ADAMTS9: variants seen among roughly 807,000 people sequenced by gnomAD.
ADAMTS9 encodes ADAM metallopeptidase with thrombospondin type 1 motif 9.
ADAMTS9 carries 107 observed loss-of-function variants against 257.1 expected under a neutral mutation model. The observed-to-expected ratio is 0.42, with a 90% CI of 0.36 to 0.49. ADAMTS9 has a LOEUF of 0.49. Among genes scored for constraint, ADAMTS9 ranks in the 20% least tolerant of loss-of-function variants. The pLI is 0.03. For missense variants in ADAMTS9, 2,353 were observed against 2,469.1 expected (o/e 0.95, Z 1.00); for synonymous variants, 982 against 880.9 (o/e 1.11, Z -2.03).
chr3:64,625,856 T>C (rs936098065), intron 16 of ADAMTS9, among the ~76,000 whole-genome samples: 1 of 152,204 alleles, frequency 6.6e-6, no homozygotes, highest in African/African-American at 2.4e-5. Flanking sequence ...CAAATCTTAA[T>C]CTTCACCTAT....
rs1370868783 is a variant in ADAMTS9 at position 64,541,123 on chromosome 3, T to C, written c.5493A>G (p.Arg1831=). The change falls in exon 36 of 40, where the codon AGA becomes AGG. Residue 1831 remains arginine (R), a synonymous_variant. Coordinates refer to ENST00000498707, the MANE Select transcript of ADAMTS9 (RefSeq NM_182920.2). ...AAGFSSFQKI[R]IDLTSMQIIT... is the part of the protein sequence containing the mutation. ...TTATCTGCATGCTGGTCAGGTCTAT[T>C]CTGATTTTCTGAAAACTGGAAAACC... 1 of 1,614,144 alleles carries C rather than the reference T, an allele frequency of 6.2e-7. No homozygotes were observed. Among genetic ancestry groups the C allele is most frequent in the South Asian group, 1.1e-5 (1 of 91,078 alleles).
At chr3:64,589,658 A>G (rs1231554403) in intron 28 of ADAMTS9, 1 of 152,122 alleles carries the variant, frequency 6.6e-6, no homozygotes, top group Non-Finnish European at 1.5e-5. Context: ...TCATACAGGG[A>G]CCCTCCTTAC....
intron 22 of ADAMTS9, among the ~76,000 whole-genome samples, chr3:64,607,862 G>C (rs1426031245): frequency 6.6e-6 from 1 of 152,022 alleles, no homozygotes; most frequent in Non-Finnish European, 1.5e-5. Context: ...AAACGTGCAG[G>C]GATCTTTTTT....
chr3:64,631,759 C>T, intron 15 of ADAMTS9, 49 bp downstream of exon 15: 1 of 1,515,984 alleles, frequency 6.6e-7, no homozygotes. Context: ...TAACAATTTT[C>T]AAACTTTGAC....
At chr3:64,577,609 G>C (rs1158519684) in intron 28 of ADAMTS9, among the ~76,000 whole-genome samples, 1 of 152,178 alleles carries the variant, frequency 6.6e-6, no homozygotes, top group Non-Finnish European at 1.5e-5. Context: ...GTACTCTCAA[G>C]GTGGACTGTG....
chr3:64,673,847 A>G (rs1701556065), intron 3 of ADAMTS9, among the ~76,000 whole-genome samples: 1 of 152,162 alleles, frequency 6.6e-6, no homozygotes, highest in Non-Finnish European at 1.5e-5. Context: ...AAGCAAATGT[A>G]GAAAAATCTT....
At chr3:64,550,100 C>A (rs2083251376) in intron 31 of ADAMTS9, 1 of 152,106 alleles carries the variant, frequency 6.6e-6, no homozygotes, top group Non-Finnish European at 1.5e-5. Flanking sequence ...ACAGATCTCT[C>A]ATACAGATAT....
At chr3:64,670,079 G>A (rs968860859) in intron 3 of ADAMTS9, among the ~76,000 whole-genome samples, 10 of 152,134 alleles carry the variant, frequency 6.6e-5, no homozygotes, top group Admixed American at 3.3e-4. Flanking sequence ...AGGGCATGTG[G>A]TCATAAGGAC....
intron 30 of ADAMTS9, among the ~76,000 whole-genome samples, chr3:64,552,285 A>G (rs964276990): frequency 3.9e-5 from 6 of 152,168 alleles, no homozygotes; most frequent in African/African-American, 1.4e-4. Flanking sequence ...CTCTATGTCC[A>G]CAGATTCTTA....
rs374314734 is a variant in ADAMTS9 at position 64,658,712 on chromosome 3, G to A, written c.759C>T (p.Asp253=). ...CTAAGCCGCTGTTTAATGCTGCTAC[G>A]TCACCAGCCAGGTTAATCCTTTCTC... ...KWGERINLAG[D]VAALNSGLAT... Residue 253 remains aspartate, a synonymous_variant, in exon 4 of 40, where the codon GAC becomes GAT. Coordinates refer to ENST00000498707, the MANE Select transcript of ADAMTS9 (RefSeq NM_182920.2). 9.3e-6 allele frequency: 15 copies of A among 1,614,096 alleles called. No homozygotes were observed. The highest frequency in any genetic ancestry group is 4.4e-5 in the South Asian group (4 of 91,076).
Position 64,520,594 on chromosome 3 carries a change from AAT to A in ADAMTS9, c.*5+1570_*5+1571del, listed in dbSNP as rs1310113158. 2.6e-5 allele frequency among the ~76,000 whole-genome samples: 4 copies of A among 152,290 alleles called. No individual in the cohort carries two copies. The East Asian group carries it at 7.7e-4, about 29-fold the overall frequency. Reference sequence around the variant, plus strand: ...CAAAACAGCATGGTACTGGTACTAAAATAGACACAAAAATTAATGGAACAGAA... The same window carrying A: ...CAAAACAGCATGGTACTGGTACTAAAAGACACAAAAATTAATGGAACAGAA... On this transcript the variant is annotated intron_variant, in intron 39 of 39. Transcript: ENST00000498707.
At chr3:64,611,100 A>T (rs74741763) in intron 22 of ADAMTS9, among the ~76,000 whole-genome samples, 2 of 135,866 alleles carry the variant, frequency 1.5e-5, no homozygotes, top group Non-Finnish European at 3.2e-5. Flanking sequence ...AAAAAAAAAA[A>T]GTTAAACTCA....
At chr3:64,628,436 AT>A (rs770688557) in intron 16 of ADAMTS9, among the ~76,000 whole-genome samples, 37 of 152,216 alleles carry the variant, frequency 2.4e-4, no homozygotes, top group Non-Finnish European at 4.3e-4. Context: ...CAGGAAATTA[AT>A]TTATAAAGCA....
At chr3:64,605,637 G>C (rs35859620) in intron 23 of ADAMTS9, among the ~76,000 whole-genome samples, 1 of 151,986 alleles carries the variant, frequency 6.6e-6, no homozygotes, top group Non-Finnish European at 1.5e-5. Context: ...ATGCAAACCC[G>C]AGTGTTCTCT....
chr3:64,614,636 T>A (rs1035453164), intron 21 of ADAMTS9, among the ~76,000 whole-genome samples: 3 of 152,092 alleles, frequency 2.0e-5, no homozygotes, highest in Non-Finnish European at 4.4e-5. Flanking sequence ...TTGGTAAGAA[T>A]CTCCTTGGGC....
intron 28 of ADAMTS9, among the ~76,000 whole-genome samples, chr3:64,591,656 G>A (rs567901832): frequency 6.6e-6 from 1 of 152,272 alleles, no homozygotes; most frequent in South Asian, 2.1e-4. Flanking sequence ...GATGCTGGAA[G>A]CTATATTAAT....
At chr3:64,635,241 C>A (rs935785563) in intron 12 of ADAMTS9, among the ~76,000 whole-genome samples, 1 of 152,134 alleles carries the variant, frequency 6.6e-6, no homozygotes, top group Non-Finnish European at 1.5e-5. Context: ...CTTGCTCGAT[C>A]AAAGATTTGC....
chr3:64,568,886 A>G (rs2106684197), intron 28 of ADAMTS9: 1 of 207,122 alleles, frequency 4.8e-6, no homozygotes, highest in South Asian at 8.9e-5. Context: ...TTTCTTCAAC[A>G]AAATGCCTGT....
At chr3:64,534,195 C>G (rs1012014271) in intron 37 of ADAMTS9, among the ~76,000 whole-genome samples, 3 of 152,170 alleles carry the variant, frequency 2.0e-5, no homozygotes, top group Admixed American at 6.5e-5. Context: ...GAGCTCACAG[C>G]TGATCAGACC....
Sources: gnomAD v4.1 joint callset for allele counts (sites outside exome capture counted in the v4.1 genomes callset) on GRCh38, gnomAD v4.1.1 for gene constraint, MANE v1.5 for transcripts, NCBI Gene and HGNC (gene_info 2026-07-23, HGNC 2026-07-21) for gene names.